Variants in MSI2 observed in about 807,000 individuals in gnomAD.
The protein encoded by MSI2 is RNA-binding protein Musashi homolog 2.
In MSI2, 17 loss-of-function variants were observed where a neutral mutation model predicts 45.6. The ratio of observed to expected loss-of-function variants is 0.37; its 90% CI spans 0.26 to 0.56. The LOEUF (loss-of-function observed/expected upper bound fraction) is 0.56. Among genes scored for constraint, MSI2 ranks in the 20% least tolerant of loss-of-function variants. The pLI is 0.77. For synonymous variants in MSI2, 156 were observed against 158.2 expected (o/e 0.99, Z 0.11); for missense variants, 293 against 444.2 (o/e 0.66, Z 3.06).
rs541188906 is a variant in MSI2 at position 57,280,564 on chromosome 17, A to C, written c.312+18372A>C. Among the ~76,000 whole-genome samples the C allele has an allele frequency of 6.6e-6, 1 of 151,884 alleles. No individual in the cohort carries two copies. Among genetic ancestry groups the C allele is most frequent in the East Asian group, 1.9e-4 (1 of 5,136 alleles). ...CTCATTGATGTGAGCAGAGCCCCCAACCCCCACCTCCGTGAGATTGAGAGT... is the reference window on the plus strand; with the variant it reads ...CTCATTGATGTGAGCAGAGCCCCCACCCCCCACCTCCGTGAGATTGAGAGT... On this transcript the variant is annotated intron_variant, in intron 5 of 13. Coordinates refer to ENST00000284073, the MANE Select transcript of MSI2 (RefSeq NM_138962.4). This position sits in a 1 kb window ranked among gnomAD's most constrained non-coding sequence, Gnocchi z 4.2.
rs574225970 is a variant in MSI2 at position 57,300,010 on chromosome 17, G to A, written c.312+37818G>A. ...GGGAGACCCTGGCTTCTGGCTTGTC[G>A]CTTCCTTCACTCTGTTCATCTCTGC... On this transcript the variant is annotated intron_variant, in intron 5 of 13. Coordinates refer to ENST00000284073, the MANE Select transcript of MSI2 (RefSeq NM_138962.4). Among the ~76,000 whole-genome samples, 20 of 152,254 alleles carry A rather than the reference G, an allele frequency of 1.3e-4. No individual in the cohort carries two copies. The East Asian group carries it at 1.4e-3, about 10-fold the overall frequency.
rs1190802566 is a variant in MSI2, at chr17:57,502,602, G to GATAGATATATAT, written c.406-27071_406-27070insGATATATATATA. On this transcript the variant is annotated intron_variant, in intron 6 of 13. Coordinates refer to ENST00000284073, the MANE Select transcript of MSI2 (RefSeq NM_138962.4). ...CAGGGAATGGAGAAGATGACTCTGAGATATATATATATATATATATATATA... is the reference window on the plus strand; with the variant it reads ...CAGGGAATGGAGAAGATGACTCTGAGATAGATATATATATATATATATATATATATATATATA... Among the ~76,000 whole-genome samples, 17 of 54,414 alleles carry GATAGATATATAT rather than the reference G, an allele frequency of 3.1e-4. 1 individual carries two copies. The East Asian group carries it at 8.5e-3, about 27-fold the overall frequency. 35.7% of individuals were successfully genotyped at this position (54,414 alleles called of 152,430 possible).
chr17:57,547,889 T>C (rs2144164146), intron 7 of MSI2, among the ~76,000 whole-genome samples: 1 of 152,212 alleles, frequency 6.6e-6, no homozygotes, highest in South Asian at 2.1e-4. Flanking sequence ...TTATCATCAG[T>C]GTGGTAGACA....
At chr17:57,675,263 C>G in intron 12 of MSI2, 137 bp downstream of exon 12, 1 of 850,368 alleles carries the variant, frequency 1.2e-6, no homozygotes, top group Non-Finnish European at 1.8e-6. Context: ...ACACCAGCTC[C>G]TGAGGGCTGA....
intron 6 of MSI2, among the ~76,000 whole-genome samples, chr17:57,490,845 G>A (rs1256186195): frequency 6.6e-6 from 1 of 152,094 alleles, no homozygotes; most frequent in Non-Finnish European, 1.5e-5. Flanking sequence ...GCCTTCTAGG[G>A]GAAATTTTGC....
chr17:57,378,150 T>A (rs377731851), intron 5 of MSI2, among the ~76,000 whole-genome samples: 18 of 152,178 alleles, frequency 1.2e-4, no homozygotes, highest in Admixed American at 4.6e-4. Context: ...TGCTCTGTCG[T>A]GTCCCGGGCT....
In MSI2 at chr17:57,639,220, C is replaced by G. The variant is rs916604093; in HGVS notation, c.727+11917C>G. 4.6e-5 allele frequency among the ~76,000 whole-genome samples: 7 copies of G among 152,268 alleles called. No individual in the cohort carries two copies. The East Asian group carries it at 1.4e-3, about 29-fold the overall frequency. On this transcript the variant is annotated intron_variant, in intron 10 of 13. Transcript: ENST00000284073. ...AGGGACATAAACATTCAGACCATAG[C>G]GGGCAACATCCGAGCCGAGTTTTGG...
chr17:57,270,252 C>G lies in MSI2; in HGVS notation c.312+8060C>G, dbSNP rs75370345. ...GTCTTCTTTAATCCTTACAACAATC[C>G]TTTGAAATAGTTGGTATTATCTCCG... is the stretch of plus-strand genomic sequence containing the variant. On this transcript the variant is annotated intron_variant, in intron 5 of 13. Coordinates refer to ENST00000284073, the MANE Select transcript of MSI2 (RefSeq NM_138962.4). Among the ~76,000 whole-genome samples the G allele has an allele frequency of 1.8e-3, 271 of 152,112 alleles. 1 individual carries two copies. The highest frequency in any genetic ancestry group is 6.4e-3 in the African/African-American group (266 of 41,444).
At chr17:57,558,991 G>A (rs1216824502) in intron 7 of MSI2, among the ~76,000 whole-genome samples, 1 of 152,180 alleles carries the variant, frequency 6.6e-6, no homozygotes, top group Admixed American at 6.5e-5. Flanking sequence ...GAACCCAGGA[G>A]GCGGAGGTTG....
chr17:57,327,552 A>G (rs749123634), intron 5 of MSI2, among the ~76,000 whole-genome samples: 9 of 152,236 alleles, frequency 5.9e-5, no homozygotes, highest in African/African-American at 1.2e-4. Context: ...GAAGTGTTCT[A>G]TTCAACACGT....
intron 9 of MSI2, among the ~76,000 whole-genome samples, chr17:57,618,885 ATAAG>A (rs887899284): frequency 2.6e-5 from 4 of 152,232 alleles, no homozygotes; most frequent in African/African-American, 9.6e-5. Flanking sequence ...CAAAATAAAA[ATAAG>A]AAAGAGTTGA....
chr17:57,660,550 G>C (rs1051685282), intron 11 of MSI2, among the ~76,000 whole-genome samples: 4 of 152,196 alleles, frequency 2.6e-5, no homozygotes, highest in African/African-American at 9.7e-5. Context: ...TCCCAACCTA[G>C]TGTGGAAACT....
intron 6 of MSI2, among the ~76,000 whole-genome samples, chr17:57,405,544 A>G (rs1245820890): frequency 3.9e-5 from 6 of 152,248 alleles, no homozygotes; most frequent in Admixed American, 3.9e-4. Flanking sequence ...CGTTGTCAGT[A>G]GTAATAAGCA....
intron 6 of MSI2, among the ~76,000 whole-genome samples, chr17:57,459,206 A>G (rs1293021940): frequency 6.6e-6 from 1 of 152,164 alleles, no homozygotes; most frequent in Non-Finnish European, 1.5e-5. Context: ...TCCTCATGAC[A>G]TGGTAATGAC....
At chr17:57,301,047 C>T (rs112279919) in intron 5 of MSI2, among the ~76,000 whole-genome samples, 2,174 of 152,210 alleles carry the variant, frequency 0.014, 51 homozygotes, top group African/African-American at 0.049. Flanking sequence ...CTGGGAGAGG[C>T]GGGGCTGTGA....
Position 57,280,814 on chromosome 17 carries a change from G to GAA in MSI2, c.312+18628_312+18629dup, listed in dbSNP as rs35019880. Among the ~76,000 whole-genome samples the GAA allele has an allele frequency of 6.6e-6, 1 of 151,864 alleles. No homozygotes were observed. The highest frequency in any genetic ancestry group is 2.4e-5 in the African/African-American group (1 of 41,278). On this transcript the variant is annotated intron_variant, in intron 5 of 13. Coordinates refer to ENST00000284073, the MANE Select transcript of MSI2 (RefSeq NM_138962.4). The surrounding 1 kb of genome is among the most constrained non-coding windows in gnomAD (Gnocchi z 4.2). ...AATCATTAAAAATAAAATAGGATGA[G>GAA]AAAAAAAGCTAAGCACACATAAACA... is the stretch of plus-strand genomic sequence containing the variant.
intron 11 of MSI2, among the ~76,000 whole-genome samples, chr17:57,655,337 C>A (rs1414846993): frequency 6.6e-6 from 1 of 152,216 alleles, no homozygotes; most frequent in Non-Finnish European, 1.5e-5. Context: ...GTGGCCCCAT[C>A]ATGTCCCACC....
chr17:57,322,326 G>A (rs528155412), intron 5 of MSI2, among the ~76,000 whole-genome samples: 4 of 152,292 alleles, frequency 2.6e-5, no homozygotes, highest in African/African-American at 7.2e-5. Context: ...GCACTTTGTG[G>A]TCAGGGTTTG....
chr17:57,408,166 G>A (rs577631582), intron 6 of MSI2, among the ~76,000 whole-genome samples: 8 of 152,140 alleles, frequency 5.3e-5, no homozygotes, highest in African/African-American at 1.9e-4. Flanking sequence ...GCACCCTAAC[G>A]TTACTTCTCT....
Sources: gnomAD v4.1 joint callset for allele counts (sites outside exome capture counted in the v4.1 genomes callset) on GRCh38, gnomAD v4.1.1 for gene constraint, Gnocchi (gnomAD v3.1) non-coding constraint, MANE v1.5 for transcripts, NCBI Gene and HGNC (gene_info 2026-07-23, HGNC 2026-07-21) for gene names.